XPR1: variants seen among roughly 807,000 people sequenced by gnomAD.
XPR1 encodes the protein solute carrier family 53 member 1.
In XPR1, 28 loss-of-function variants were observed where a neutral mutation model predicts 87.5. That is an observed-to-expected ratio of 0.32 (90% CI 0.24 to 0.44). The LOEUF (loss-of-function observed/expected upper bound fraction) is 0.44. Ranked by LOEUF, XPR1 falls within the 20% of genes least tolerant of loss-of-function variation. XPR1 has a pLI of 1.00. For missense variants in XPR1, 559 were observed against 862.3 expected, an observed-to-expected ratio of 0.65 and a Z score of 4.41; for synonymous variants, 300 against 306.1, an observed-to-expected ratio of 0.98 and a Z score of 0.21.
chr1:180,680,357 C>CTTTTTTTTTTT (rs369905770), intron 1 of XPR1, among the ~76,000 whole-genome samples: 3 of 83,382 alleles, frequency 3.6e-5, no homozygotes, highest in Non-Finnish European at 4.1e-5. Context: ...CAAATAGAAC[C>CTTTTTTTTTTT]TTTTTTTTTT....
chr1:180,791,161 G>A (rs1302349260), intron 3 of XPR1, among the ~76,000 whole-genome samples: 15 of 152,160 alleles, frequency 9.9e-5, no homozygotes, highest in Non-Finnish European at 2.2e-4. Flanking sequence ...TTTTGAAAAA[G>A]AAGGATCTCT....
At chr1:180,776,482 C>T (rs891352477) in intron 2 of XPR1, among the ~76,000 whole-genome samples, 25 of 151,368 alleles carry the variant, frequency 1.7e-4, no homozygotes, top group Non-Finnish European at 3.5e-4. Context: ...ATACAATTTC[C>T]ATTATACAAT....
At chr1:180,718,892 C>T (rs781210372) in intron 2 of XPR1, among the ~76,000 whole-genome samples, 3 of 152,144 alleles carry the variant, frequency 2.0e-5, no homozygotes, top group Non-Finnish European at 4.4e-5. Flanking sequence ...TGGTCTCAAT[C>T]TCCTGACCTC....
At chr1:180,831,994 C>T (rs1325934294) in intron 9 of XPR1, among the ~76,000 whole-genome samples, 1 of 152,218 alleles carries the variant, frequency 6.6e-6, no homozygotes, top group East Asian at 1.9e-4. Flanking sequence ...AATGGTTGAA[C>T]TAATTTATAC....
At chr1:180,709,801 G>C (rs1012442604) in intron 2 of XPR1, among the ~76,000 whole-genome samples, 2 of 151,130 alleles carry the variant, frequency 1.3e-5, no homozygotes, top group East Asian at 3.9e-4. Flanking sequence ...TTTATTTGCC[G>C]TTGGTATATC....
rs1432152407 is a variant in XPR1, at chr1:180,890,022, T to C, written c.*5956T>C. The C allele has an allele frequency of 6.6e-6, 1 of 152,228 alleles. No individual in the cohort carries two copies. Among genetic ancestry groups the C allele is most frequent in the Non-Finnish European group, 1.5e-5 (1 of 68,042 alleles). 9.4% of individuals were successfully genotyped at this position (152,228 alleles called of 1,614,324 possible). A position where few individuals can be genotyped will look rare whatever the true frequency, so the allele number is the denominator to read the frequency against. On this transcript the variant is annotated 3_prime_UTR_variant, in exon 15 of 15. Coordinates refer to ENST00000367590, the MANE Select transcript of XPR1 (RefSeq NM_004736.4). ...TGGACTCATGTTGTATCTGTGACTA[T>C]GCTATTAGCTGTCTCCTTTTTCCTT...
rs12030506 is a variant in XPR1, at chr1:180,854,337, A to G, written c.1502-9371A>G. ...TTATCCCCAGTGGGGTTAGCTCCGC[A>G]TACATATTTAGCAGGTTATAGGAGA... On this transcript the variant is annotated intron_variant, in intron 11 of 14. Coordinates refer to ENST00000367590, the MANE Select transcript of XPR1 (RefSeq NM_004736.4). 7.8e-4 allele frequency among the ~76,000 whole-genome samples: 119 copies of G among 152,382 alleles called. No homozygotes were observed. In the East Asian group the frequency reaches 0.016, roughly 21 times the overall value.
intron 1 of XPR1, among the ~76,000 whole-genome samples, chr1:180,681,625 G>A (rs977254967): frequency 6.6e-6 from 1 of 152,142 alleles, no homozygotes; most frequent in South Asian, 2.1e-4. Flanking sequence ...CAGCCTGGGC[G>A]ACAGAGCAAG....
chr1:180,839,831 A>G (rs987578818), intron 11 of XPR1, among the ~76,000 whole-genome samples: 3 of 152,208 alleles, frequency 2.0e-5, no homozygotes, highest in South Asian at 4.1e-4. Context: ...AGGTAAATAT[A>G]TGGAGATTCT....
chr1:180,836,344 G>A (rs138385982), intron 10 of XPR1, among the ~76,000 whole-genome samples, 178 bp from the exon 11 acceptor site: 186 of 147,228 alleles, frequency 1.3e-3, no homozygotes, highest in African/African-American at 4.6e-3. Flanking sequence ...ACCACAGAGC[G>A]AGACTCAGTC....
At chr1:180,774,384 C>CTTTTTTTT (rs71121051) in intron 2 of XPR1, among the ~76,000 whole-genome samples, 2 of 68,900 alleles carry the variant, frequency 2.9e-5, no homozygotes, top group Non-Finnish European at 5.5e-5. Context: ...TCTTTCCTAT[C>CTTTTTTTT]TTTTTTTTTT....
chr1:180,710,629 T>C (rs1427523561), intron 2 of XPR1, among the ~76,000 whole-genome samples: 1 of 152,190 alleles, frequency 6.6e-6, no homozygotes, highest in Non-Finnish European at 1.5e-5. Flanking sequence ...ACAATCTGAT[T>C]TCTCTATCTT....
At chr1:180,711,298 C>T (rs75469741) in intron 2 of XPR1, among the ~76,000 whole-genome samples, 51 of 138,826 alleles carry the variant, frequency 3.7e-4, no homozygotes, top group East Asian at 1.2e-3. Context: ...GCCGAGATCA[C>T]GCCACTGCAC....
At chr1:180,738,815 T>G in intron 2 of XPR1, among the ~76,000 whole-genome samples, 1 of 152,198 alleles carries the variant, frequency 6.6e-6, no homozygotes, top group East Asian at 1.9e-4. Flanking sequence ...TGCAAACATT[T>G]TGTCCAAGTC....
At chr1:180,785,016 T>TGTGTGTGTGC (rs1649085777) in intron 2 of XPR1, among the ~76,000 whole-genome samples, 1 of 135,546 alleles carries the variant, frequency 7.4e-6, no homozygotes, top group South Asian at 2.1e-4. Context: ...TGTGTTTGTG[T>TGTGTGTGTGC]GTGTGTGTGT....
At chr1:180,792,754 T>C (rs1381439277) in intron 3 of XPR1, among the ~76,000 whole-genome samples, 1 of 151,506 alleles carries the variant, frequency 6.6e-6, no homozygotes, top group Non-Finnish European at 1.5e-5. Context: ...TCATGAAGGC[T>C]ATACCGTTAG....
At chr1:180,640,533 A>G (rs1473864670) in intron 1 of XPR1, among the ~76,000 whole-genome samples, 1 of 152,244 alleles carries the variant, frequency 6.6e-6, no homozygotes, top group African/African-American at 2.4e-5. Context: ...AAACATGCAT[A>G]CATTTAGGCC....
At chr1:180,711,076 C>T (rs1657762247) in intron 2 of XPR1, among the ~76,000 whole-genome samples, 1 of 151,014 alleles carries the variant, frequency 6.6e-6, no homozygotes. Flanking sequence ...CAGAGACGCT[C>T]CTCACCTCCC....
At chr1:180,756,424 AT>A (rs1453958837) in intron 2 of XPR1, among the ~76,000 whole-genome samples, 1 of 152,134 alleles carries the variant, frequency 6.6e-6, no homozygotes, top group Non-Finnish European at 1.5e-5. Flanking sequence ...CTTATTAGCC[AT>A]TTTTATTTCT....
Sources: allele counts gnomAD v4.1 joint callset (sites outside exome capture counted in the v4.1 genomes callset), GRCh38; gene constraint gnomAD v4.1.1; transcripts MANE v1.5; gene names NCBI Gene and HGNC (gene_info 2026-07-23, HGNC 2026-07-21).